Variants in BNC2 observed in about 807,000 individuals in gnomAD.
BNC2 encodes basonuclin zinc finger protein 2, also known as zinc finger protein basonuclin-2.
BNC2 carries 20 observed loss-of-function variants against 76.3 expected under a neutral mutation model. The observed-to-expected ratio is 0.26, with a 90% CI of 0.18 to 0.38. BNC2 has a LOEUF of 0.38. Among genes scored for constraint, BNC2 ranks in the 10% least tolerant of loss-of-function variants. The probability of loss-of-function intolerance (pLI) is 1.00; values close to 1 mark genes in which losing one functional copy is unlikely to be tolerated. For synonymous variants in BNC2, 582 were observed against 514.8 expected (o/e 1.13, Z -1.77); for missense variants, 1,382 against 1,399.8 (o/e 0.99, Z 0.20).
At chr9:16,429,365 A>C (rs1424482325) in intron 6 of BNC2, 1 of 152,854 alleles carries the variant, frequency 6.5e-6, no homozygotes, top group Non-Finnish European at 1.5e-5. Flanking sequence ...GGTAGAAACC[A>C]GCCCATGTTT....
intron 5 of BNC2, among the ~76,000 whole-genome samples, chr9:16,547,692 G>A (rs1438008516): frequency 6.6e-6 from 1 of 152,162 alleles, no homozygotes; most frequent in Non-Finnish European, 1.5e-5. Context: ...TACCCACGCA[G>A]AGACACAAGT....
chr9:16,433,553 A>G (rs1820946008), intron 6 of BNC2, among the ~76,000 whole-genome samples: 1 of 152,204 alleles, frequency 6.6e-6, no homozygotes, highest in Non-Finnish European at 1.5e-5. Context: ...ATAAAAATGA[A>G]GACTGAAATA....
Position 16,828,584 on chromosome 9 carries a change from A to T in BNC2, c.3+42062T>A, listed in dbSNP as rs190125242. 2.5e-4 allele frequency among the ~76,000 whole-genome samples: 38 copies of T among 152,332 alleles called. No individual in the cohort carries two copies. In the East Asian group the frequency reaches 6.4e-3, roughly 26 times the overall value. The stretch of plus-strand genomic sequence containing the variant: ...CTACGGTCCCACCAGTAAAAACAGG[A>T]AAGTTTTCAGCCAGTGACAGCTTTG... On this transcript the variant is annotated intron_variant, in intron 1 of 6. Transcript: ENST00000380672.
chr9:16,643,435 G>A (rs541145819), intron 3 of BNC2, among the ~76,000 whole-genome samples: 1 of 152,080 alleles, frequency 6.6e-6, no homozygotes, highest in African/African-American at 2.4e-5. Flanking sequence ...AAGTAAGAAA[G>A]GCTGGTCTGG....
chr9:16,849,231 C>T (rs531323067), intron 1 of BNC2, among the ~76,000 whole-genome samples: 2 of 151,986 alleles, frequency 1.3e-5, no homozygotes, highest in East Asian at 3.9e-4. Context: ...TCATTCCCCC[C>T]ACCAAAAAAA....
chr9:16,769,715 G>C (rs1159279878), intron 1 of BNC2, among the ~76,000 whole-genome samples: 1 of 152,182 alleles, frequency 6.6e-6, no homozygotes, highest in Non-Finnish European at 1.5e-5. Context: ...TTAATGTAAA[G>C]AGCAAATGAT....
intron 1 of BNC2, among the ~76,000 whole-genome samples, chr9:16,768,112 C>A (rs567603274): frequency 1.3e-5 from 2 of 152,008 alleles, no homozygotes; most frequent in Non-Finnish European, 2.9e-5. Context: ...ATTATAGGCA[C>A]CCACCACCAC....
chr9:16,516,010 T>A, intron 5 of BNC2, among the ~76,000 whole-genome samples: 1 of 150,922 alleles, frequency 6.6e-6, no homozygotes, highest in African/African-American at 2.4e-5. Context: ...GATTGCAAAC[T>A]GCAGTGACCT....
chr9:16,727,694 T>A (rs1199992617), intron 3 of BNC2, 103 bp downstream of exon 3: 4 of 1,036,272 alleles, frequency 3.9e-6, no homozygotes, highest in East Asian at 4.8e-5. Flanking sequence ...GACCACATTT[T>A]AAAAAGTATT....
At chr9:16,464,135 A>T in intron 5 of BNC2, among the ~76,000 whole-genome samples, 1 of 151,284 alleles carries the variant, frequency 6.6e-6, no homozygotes, top group South Asian at 2.1e-4. Flanking sequence ...AATATAAATG[A>T]TTTAAAATGG....
chr9:16,708,798 A>G (rs534441424), intron 3 of BNC2, among the ~76,000 whole-genome samples: 1 of 152,254 alleles, frequency 6.6e-6, no homozygotes, highest in South Asian at 2.1e-4. Flanking sequence ...GAGCCCCACA[A>G]CAAAACAGTG....
At chr9:16,743,975 T>TGTTTGTTC (rs1824925964) in intron 1 of BNC2, among the ~76,000 whole-genome samples, 1 of 151,938 alleles carries the variant, frequency 6.6e-6, no homozygotes, top group Non-Finnish European at 1.5e-5. Flanking sequence ...TTTGTTTGTT[T>TGTTTGTTC]GTTTGTTTGG....
intron 3 of BNC2, among the ~76,000 whole-genome samples, chr9:16,587,187 C>A (rs1311989100): frequency 6.8e-6 from 1 of 147,062 alleles, no homozygotes; most frequent in African/African-American, 2.5e-5. Context: ...CTCCATTCCA[C>A]TGACTAGGAA....
At chr9:16,583,517 A>G (rs184313931) in intron 3 of BNC2, among the ~76,000 whole-genome samples, 151 of 152,328 alleles carry the variant, frequency 9.9e-4, no homozygotes, top group African/African-American at 3.4e-3. Context: ...AAAATATGGC[A>G]CACAAATATT....
At chr9:16,565,505 A>C (rs1354967081) in intron 4 of BNC2, among the ~76,000 whole-genome samples, 1 of 152,176 alleles carries the variant, frequency 6.6e-6, no homozygotes, top group South Asian at 2.1e-4. Context: ...ACTAGTGAAG[A>C]AAACAGACTT....
intron 1 of BNC2, chr9:16,867,784 A>T (rs1341995658): frequency 7.3e-6 from 1 of 137,010 alleles, no homozygotes; most frequent in Non-Finnish European, 1.5e-5. Flanking sequence ...TGCTAATTTC[A>T]GTCCCACAAG....
chr9:16,483,150 T>A (rs895614380), intron 5 of BNC2, among the ~76,000 whole-genome samples: 2 of 152,160 alleles, frequency 1.3e-5, no homozygotes, highest in Non-Finnish European at 2.9e-5. Flanking sequence ...AGACGGGAAA[T>A]GAAAAACTCG....
intron 1 of BNC2, among the ~76,000 whole-genome samples, chr9:16,769,966 T>C (rs778415693): frequency 2.6e-5 from 4 of 152,076 alleles, no homozygotes; most frequent in Non-Finnish European, 5.9e-5. Flanking sequence ...CTTGGGAAAT[T>C]TACACAAACC....
At chr9:16,634,722 C>T (rs952852808) in intron 3 of BNC2, among the ~76,000 whole-genome samples, 44 of 151,908 alleles carry the variant, frequency 2.9e-4, no homozygotes, top group African/African-American at 8.9e-4. Flanking sequence ...AGGATGGTCT[C>T]GATCTCCTGA....
Sources: allele counts gnomAD v4.1 joint callset (sites outside exome capture counted in the v4.1 genomes callset), GRCh38; gene constraint gnomAD v4.1.1; transcripts MANE v1.5; gene names NCBI Gene and HGNC (gene_info 2026-07-23, HGNC 2026-07-21).